Variants in PCDH17 observed in about 807,000 individuals in gnomAD.
The protein encoded by PCDH17 is protocadherin 17.
A neutral mutation model predicts 67.7 loss-of-function variants in PCDH17; 21 were observed. The observed-to-expected ratio is 0.31, with a 90% confidence interval of 0.22 to 0.45. The LOEUF is 0.45. PCDH17 is among the 20% of genes least tolerant of loss of function. The pLI, the probability that PCDH17 is intolerant of heterozygous loss-of-function variation, is 1.00. For missense variants in PCDH17, 1,471 were observed against 1,564.8 expected, an observed-to-expected ratio of 0.94 and a Z score of 1.01; for synonymous variants, 701 against 656.7, an observed-to-expected ratio of 1.07 and a Z score of -1.03.
At chr13:57,686,102 T>G (rs1300335158) in intron 3 of PCDH17, among the ~76,000 whole-genome samples, 1 of 148,624 alleles carries the variant, frequency 6.7e-6, no homozygotes, top group African/African-American at 2.5e-5. Context: ...AAAAAAAAAG[T>G]GTTGAATTGA....
intron 1 of PCDH17, among the ~76,000 whole-genome samples, chr13:57,656,962 C>G (rs1039657453): frequency 2.0e-5 from 3 of 152,124 alleles, no homozygotes; most frequent in African/African-American, 7.2e-5. Context: ...GTATGGCAGT[C>G]TCTATTTTAT....
rs914610598 is a variant in PCDH17 at position 57,638,914 on chromosome 13, A to G, written c.2565+3803A>G. ...CTTATTCAGATAAGTTCCCAAGATC[A>G]TGATCTTCAAAATTTCATACTCTAG... On this transcript the variant is annotated intron_variant, in intron 1 of 3. Transcript: ENST00000377918. Among the ~76,000 whole-genome samples the G allele has an allele frequency of 2.0e-5, 3 of 152,098 alleles. 1 individual carries two copies. The highest frequency in any genetic ancestry group is 4.1e-4 in the South Asian group (2 of 4,834).
chr13:57,719,551 G>T (rs1404672008), intron 3 of PCDH17, among the ~76,000 whole-genome samples: 1 of 151,968 alleles, frequency 6.6e-6, no homozygotes, highest in Non-Finnish European at 1.5e-5. Context: ...AGTTCCCAAA[G>T]CACCAAGTAA....
At position 57,725,397 on chromosome 13, in the gene PCDH17, A is replaced by G. The variant is rs1258469007; in HGVS notation, c.*103A>G. The G allele has an allele frequency of 3.0e-6, 3 of 1,010,618 alleles. No individual in the cohort carries two copies. Among genetic ancestry groups the G allele is most frequent in the Middle Eastern group, 2.6e-4 (1 of 3,894 alleles). The allele number at this position is 1,010,618 out of a possible 1,614,324, so 62.6% of individuals were successfully genotyped here. On this transcript the variant is annotated 3_prime_UTR_variant, in exon 4 of 4. Coordinates refer to ENST00000377918, the MANE Select transcript of PCDH17 (RefSeq NM_001040429.3). The stretch of plus-strand genomic sequence containing the variant: ...CATTTTACAGGGATGAAGAAAGACC[A>G]ATGCTGCTTTAAGGCTTTTAGTGAA...
intron 3 of PCDH17, among the ~76,000 whole-genome samples, chr13:57,692,002 T>C (rs1955563792): frequency 1.3e-5 from 2 of 151,262 alleles, no homozygotes; most frequent in Non-Finnish European, 3.0e-5. Context: ...AGGTGACTTA[T>C]GGTTTAATAA....
At position 57,634,778 on chromosome 13, in the gene PCDH17, C is replaced by A. The variant is rs769907429; in HGVS notation, c.2232C>A (p.Ile744=). ...AGATCCGCACTTACAACTGCCGCAT[C>A]GCCGAGTACAGCCACCCGCAGCTGG... ...NKEIRTYNCR[I]AEYSHPQLGG... is the part of the protein sequence containing the mutation. The change falls in exon 1 of 4, where the codon ATC becomes ATA. Residue 744 remains isoleucine (I), a synonymous_variant. Coordinates refer to ENST00000377918, the MANE Select transcript of PCDH17 (RefSeq NM_001040429.3). This position sits in a 1 kb window ranked among gnomAD's most constrained non-coding sequence, Gnocchi z 7.8. 6 of 1,614,042 alleles carry A rather than the reference C, an allele frequency of 3.7e-6. No individual in the cohort carries two copies. In the South Asian group the frequency reaches 6.6e-5, roughly 18 times the overall value.
chr13:57,663,510 A>G (rs990067884), intron 1 of PCDH17, among the ~76,000 whole-genome samples: 5 of 152,090 alleles, frequency 3.3e-5, no homozygotes, highest in African/African-American at 9.7e-5. Flanking sequence ...TCATTTTTCT[A>G]TGCAAATACT....
chr13:57,695,421 G>GAGAAAGAA (rs113739071), intron 3 of PCDH17, among the ~76,000 whole-genome samples: 11 of 146,862 alleles, frequency 7.5e-5, no homozygotes, highest in African/African-American at 2.5e-4. Flanking sequence ...GATAAAATGA[G>GAGAAAGAA]AGAAAGAAAG....
In PCDH17 at chr13:57,717,379, C is replaced by A. The variant is rs1266295806; in HGVS notation, c.2798-7233C>A. Among the ~76,000 whole-genome samples, 5 of 152,090 alleles carry A rather than the reference C, an allele frequency of 3.3e-5. No homozygotes were observed. In the South Asian group the frequency reaches 6.2e-4, roughly 19 times the overall value. ...TTATTCCTTATCATAAATTTCATTT[C>A]AATTTGTCTTAAGTTCTGTTCACCT... is the stretch of plus-strand genomic sequence containing the variant. On this transcript the variant is annotated intron_variant, in intron 3 of 3. Coordinates refer to ENST00000377918, the MANE Select transcript of PCDH17 (RefSeq NM_001040429.3).
Position 57,686,000 on chromosome 13 carries a change from G to A in PCDH17, c.2797+19167G>A, listed in dbSNP as rs138738128. ...ACTACTCAGGAGGTTGATGCAGGAG[G>A]ATCGCTTGAGCCCAGGAGTTTGAAG... On this transcript the variant is annotated intron_variant, in intron 3 of 3. Coordinates refer to ENST00000377918, the MANE Select transcript of PCDH17 (RefSeq NM_001040429.3). Among the ~76,000 whole-genome samples, 181 of 151,904 alleles carry A rather than the reference G, an allele frequency of 1.2e-3. 1 individual carries two copies. The highest frequency in any genetic ancestry group is 2.0e-3 in the Non-Finnish European group (138 of 67,898).
Position 57,666,821 on chromosome 13 carries a change from C to A in PCDH17, c.2785C>A (p.Pro929Thr), listed in dbSNP as rs887989206. ...KMKTTSTKSQPLEQEPEECVN... is the reference protein window; with the variant it reads ...KMKTTSTKSQTLEQEPEECVN... ...GAAAACTACTTCAACTAAAAGCCAA[C>A]CACTTGAACAAGGTGAGTGAAGTCT... Residue 929 changes from proline (P) to threonine (T), a missense_variant, in exon 3 of 4, where the codon CCA becomes ACA. By Grantham distance (38) the Pro-to-Thr change is conservative. Coordinates refer to ENST00000377918, the MANE Select transcript of PCDH17 (RefSeq NM_001040429.3). 5 of 1,607,472 alleles carry A rather than the reference C, an allele frequency of 3.1e-6. No individual in the cohort carries two copies. Among genetic ancestry groups the A allele is most frequent in the Non-Finnish European group, 4.3e-6 (5 of 1,176,358 alleles).
chr13:57,642,610 A>G (rs137944888), intron 1 of PCDH17, among the ~76,000 whole-genome samples: 71 of 151,714 alleles, frequency 4.7e-4, no homozygotes, highest in Admixed American at 1.2e-3. Context: ...TGAGTCATGA[A>G]TTGTTACATC....
At chr13:57,724,495 C>A in intron 3 of PCDH17, 117 bp from the exon 4 acceptor site, 1 of 737,376 alleles carries the variant, frequency 1.4e-6, no homozygotes, top group Non-Finnish European at 2.2e-6. Flanking sequence ...TTTTCTTTTC[C>A]TTTTTAATTA....
At position 57,633,353 on chromosome 13, in the gene PCDH17, C is replaced by T; in HGVS notation, c.807C>T (p.Asp269=). The change falls in exon 1 of 4, where the codon GAC becomes GAT. Residue 269 remains aspartate (D), a synonymous_variant. Transcript: ENST00000377918. This position sits in a 1 kb window ranked among gnomAD's most constrained non-coding sequence, Gnocchi z 6.2. ...TGGTCATCGATCTGAACGCCACCGACGCCGATGAAGGTCCCAATGGTGAAG... is the reference window on the plus strand; with the variant it reads ...TGGTCATCGATCTGAACGCCACCGATGCCGATGAAGGTCCCAATGGTGAAG... The part of the protein sequence containing the change: ...GTVVIDLNAT[D]ADEGPNGEVL... 6.2e-7 allele frequency: 1 copy of T among 1,613,260 alleles called. No individual in the cohort carries two copies.
chr13:57,633,291 TTGG>T lies in PCDH17; in HGVS notation c.749_751del (p.Val250del). On this transcript the variant is annotated inframe_deletion, in exon 1 of 4. Coordinates refer to ENST00000377918, the MANE Select transcript of PCDH17 (RefSeq NM_001040429.3). This position sits in a 1 kb window ranked among gnomAD's most constrained non-coding sequence, Gnocchi z 6.2. The stretch of plus-strand genomic sequence containing the variant: ...CCCGGTCTTCGAGGCGCCATCCTAC[TTGG>T]TGGAACTGCCCGAGAACGCTCCGCT... 3 of 1,613,234 alleles carry T rather than the reference TTGG, an allele frequency of 1.9e-6. No individual in the cohort carries two copies. The highest frequency in any genetic ancestry group is 2.5e-6 in the Non-Finnish European group (3 of 1,180,004).
At chr13:57,659,723 G>A (rs1290384610) in intron 1 of PCDH17, among the ~76,000 whole-genome samples, 1 of 151,882 alleles carries the variant, frequency 6.6e-6, no homozygotes, top group Non-Finnish European at 1.5e-5. Context: ...ACTTCTAAAG[G>A]TAGAAACAGT....
intron 3 of PCDH17, among the ~76,000 whole-genome samples, chr13:57,705,968 T>A (rs1236464309): frequency 6.6e-6 from 1 of 151,208 alleles, no homozygotes; most frequent in East Asian, 2.0e-4. Context: ...TGAGCCAAGA[T>A]TGAGCCATTG....
intron 3 of PCDH17, among the ~76,000 whole-genome samples, chr13:57,697,160 GT>G: frequency 6.6e-6 from 1 of 151,432 alleles, no homozygotes; most frequent in Non-Finnish European, 1.5e-5. Flanking sequence ...GCATGAGCTT[GT>G]TTTCATTAAG....
intron 1 of PCDH17, among the ~76,000 whole-genome samples, chr13:57,645,326 G>A (rs1255544756): frequency 6.6e-6 from 1 of 151,548 alleles, no homozygotes; most frequent in Non-Finnish European, 1.5e-5. Flanking sequence ...CTGACATGTA[G>A]TATACACTTA....
Sources: allele counts gnomAD v4.1 joint callset (sites outside exome capture counted in the v4.1 genomes callset), GRCh38; gene constraint gnomAD v4.1.1; non-coding constraint Gnocchi (gnomAD v3.1); transcripts MANE v1.5; gene names NCBI Gene and HGNC (gene_info 2026-07-23, HGNC 2026-07-21).